The following MAPKBP1 variants were observed in gnomAD, a reference collection of about 807,000 sequenced individuals.
MAPKBP1 encodes the protein mitogen-activated protein kinase binding protein 1, also known as mitogen-activated protein kinase-binding protein 1.
MAPKBP1 carries 71 observed loss-of-function variants against 170.5 expected under a neutral mutation model. That is an observed-to-expected ratio of 0.42 (90% CI 0.34 to 0.51). The LOEUF (loss-of-function observed/expected upper bound fraction) is 0.51, where lower values mean the gene tolerates loss of function less well. Among genes scored for constraint, MAPKBP1 ranks in the 20% least tolerant of loss-of-function variants. The probability of loss-of-function intolerance (pLI) is 0.06; values close to 1 mark genes in which losing one functional copy is unlikely to be tolerated. For missense variants in MAPKBP1, 1,598 were observed against 1,933.0 expected (o/e 0.83, Z 3.25); for synonymous variants, 719 against 757.9 (o/e 0.95, Z 0.84).
rs1445164788 is a variant in MAPKBP1, at chr15:41,826,203, AG to A, written c.*768del. 6.5e-6 allele frequency: 1 copy of A among 152,714 alleles called. No homozygotes were observed. The highest frequency in any genetic ancestry group is 2.4e-5 in the African/African-American group (1 of 41,402). 9.5% of individuals were successfully genotyped at this position (152,714 alleles called of 1,614,324 possible). ...CATGAAGCTCTGGCCTCCTTTCCTCAGCCCCTTGTTCTTCCCTGTCCTCCAC... is the reference window on the plus strand; with the variant it reads ...CATGAAGCTCTGGCCTCCTTTCCTCACCCCTTGTTCTTCCCTGTCCTCCAC... On this transcript the variant is annotated 3_prime_UTR_variant, in exon 31 of 31. Coordinates refer to ENST00000457542, the MANE Select transcript of MAPKBP1 (RefSeq NM_014994.3).
At chr15:41,824,694 C>G in intron 30 of MAPKBP1, 125 bp downstream of exon 30, 1 of 985,506 alleles carries the variant, frequency 1.0e-6, no homozygotes, top group Non-Finnish European at 1.5e-6. Context: ...TCAAGAACAT[C>G]TTGGGCAGCA....
intron 2 of MAPKBP1, among the ~76,000 whole-genome samples, chr15:41,782,291 C>T (rs2064204194): frequency 6.8e-6 from 1 of 147,066 alleles, no homozygotes; most frequent in Non-Finnish European, 1.5e-5. Context: ...TGAAATACAA[C>T]AGACATTAAG....
At chr15:41,803,667 A>G (rs767575311) in intron 3 of MAPKBP1, among the ~76,000 whole-genome samples, 1 of 151,926 alleles carries the variant, frequency 6.6e-6, no homozygotes, top group Non-Finnish European at 1.5e-5. Context: ...GTGAACTATG[A>G]TCGTGCCATT....
intron 27 of MAPKBP1, 22 bp downstream of exon 27, chr15:41,822,699 C>G: frequency 1.9e-6 from 3 of 1,613,156 alleles, no homozygotes; most frequent in East Asian, 2.2e-5. Context: ...CCCTACCCCC[C>G]AGCAGCAGCT....
At chr15:41,816,828 C>A (rs1596092034) in intron 13 of MAPKBP1, 82 bp from the exon 14 acceptor site, 2 of 1,541,886 alleles carry the variant, frequency 1.3e-6, no homozygotes, top group East Asian at 4.5e-5. Context: ...ATATGGGGCT[C>A]AGTTCCCTTG....
intron 6 of MAPKBP1, 66 bp from the exon 7 acceptor site, chr15:41,812,450 T>C: frequency 6.3e-7 from 1 of 1,596,234 alleles, no homozygotes; most frequent in Non-Finnish European, 8.6e-7. Flanking sequence ...TCCTCCATTC[T>C]CTGAGTCACT....
At position 41,822,410 on chromosome 15, in the gene MAPKBP1, G is replaced by A. The variant is rs1160063491; in HGVS notation, c.3217G>A (p.Gly1073Arg). 7 of 1,613,922 alleles carry A rather than the reference G, an allele frequency of 4.3e-6. No individual in the cohort carries two copies. The highest frequency in any genetic ancestry group is 5.9e-6 in the Non-Finnish European group (7 of 1,179,976). Reference sequence around the variant, plus strand: ...ACAGCACTTTGAGACTCTGGCCAGTGGAGCTGCTCCAGGTGTGGTCAGAGG... The same window carrying A: ...ACAGCACTTTGAGACTCTGGCCAGTAGAGCTGCTCCAGGTGTGGTCAGAGG... Reference protein sequence around the residue: ...LKQHFETLASGAAPGAPVQVP... With the variant: ...LKQHFETLASRAAPGAPVQVP... Residue 1073 changes from glycine to arginine, a missense_variant, in exon 26 of 31, where the codon GGA (glycine) becomes AGA (arginine). Coordinates refer to ENST00000457542, the MANE Select transcript of MAPKBP1 (RefSeq NM_014994.3).
chr15:41,808,479 CTT>C (rs1351249642), intron 3 of MAPKBP1, among the ~76,000 whole-genome samples: 2 of 138,168 alleles, frequency 1.4e-5, no homozygotes, highest in Non-Finnish European at 1.6e-5. Context: ...TTTTGTCGTA[CTT>C]TTTTTTTTTT....
chr15:41,777,426 G>A (rs1038163664), intron 2 of MAPKBP1, among the ~76,000 whole-genome samples: 3 of 151,994 alleles, frequency 2.0e-5, no homozygotes, highest in African/African-American at 7.3e-5. Flanking sequence ...AGCTCTCCAG[G>A]AAAACAGTGG....
chr15:41,813,324 G>A (rs367900976), intron 8 of MAPKBP1: 13 of 1,528,354 alleles, frequency 8.5e-6, no homozygotes, highest in South Asian at 3.4e-5. Flanking sequence ...TTCCTCTTCC[G>A]CTCAGAACAT....
chr15:41,817,814 A>G lies in MAPKBP1; in HGVS notation c.1904+79A>G, dbSNP rs539631658. The G allele has an allele frequency of 6.3e-7, 1 of 1,590,850 alleles. No individual in the cohort carries two copies. The highest frequency in any genetic ancestry group is 1.1e-5 in the South Asian group (1 of 88,524). On this transcript the variant is annotated intron_variant, in intron 16 of 30. Transcript: ENST00000457542. This position sits in a 1 kb window ranked among gnomAD's most constrained non-coding sequence, Gnocchi z 4.2. ...CAGCTCTGTGCAGCTAAGTTCCCAC[A>G]TCTGTCGTTCTGTACAGGACTTTGT...
chr15:41,809,073 C>CA (rs34394712), intron 3 of MAPKBP1, among the ~76,000 whole-genome samples: 61,546 of 113,692 alleles, frequency 0.54, 16,799 homozygotes, highest in East Asian at 0.82. Context: ...GACCCTGCCT[C>CA]AAAAAAAAAA....
chr15:41,819,800 G>T (rs764596434), intron 22 of MAPKBP1, 150 bp downstream of exon 22: 11 of 815,104 alleles, frequency 1.3e-5, no homozygotes, highest in South Asian at 3.7e-5. Flanking sequence ...TGTCGGGGAA[G>T]TTGAAGCAGC....
At chr15:41,814,324 G>A (rs1024966258) in intron 9 of MAPKBP1, among the ~76,000 whole-genome samples, 3 of 152,166 alleles carry the variant, frequency 2.0e-5, no homozygotes, top group Non-Finnish European at 4.4e-5. Context: ...CTTGTCTAAC[G>A]TTGGTGTTCT....
intron 2 of MAPKBP1, among the ~76,000 whole-genome samples, chr15:41,786,777 A>AAAAATATATATATATAT: frequency 7.1e-4 from 23 of 32,426 alleles, no homozygotes; most frequent in Admixed American, 1.5e-3. Flanking sequence ...AAAAAAAAAA[A>AAAAATATATATATATAT]ATATATATAT....
In MAPKBP1 at chr15:41,817,410, G is replaced by C; in HGVS notation, c.1734G>C (p.Met578Ile). The part of the protein sequence containing the change: ...KFAASDGQVR[M>I]ISCGADKSIY... Reference sequence around the variant, plus strand: ...TAGCCAGTGATGGGCAAGTCCGCATGATCAGCTGTGGAGCAGACAAGAGCA... The same window carrying C: ...TAGCCAGTGATGGGCAAGTCCGCATCATCAGCTGTGGAGCAGACAAGAGCA... Residue 578 changes from methionine to isoleucine, a missense_variant, in exon 15 of 31, where the codon ATG becomes ATC. Met to Ile is a conservative substitution (Grantham distance 10, BLOSUM62 1). This residue lies in a region of MAPKBP1 where 430 missense variants were observed against 617.2 expected (regional missense o/e 0.70). Transcript: ENST00000457542. The surrounding 1 kb of genome is among the most constrained non-coding windows in gnomAD (Gnocchi z 4.2). 1 of 1,592,158 alleles carries C rather than the reference G, an allele frequency of 6.3e-7. No homozygotes were observed. Among genetic ancestry groups the C allele is most frequent in the Non-Finnish European group, 8.6e-7 (1 of 1,165,700 alleles).
At chr15:41,791,786 C>G (rs1381487361) in intron 2 of MAPKBP1, among the ~76,000 whole-genome samples, 2 of 152,152 alleles carry the variant, frequency 1.3e-5, no homozygotes, top group Non-Finnish European at 2.9e-5. Context: ...CTCCTCCTCT[C>G]TTTCTCACTG....
In MAPKBP1 at chr15:41,819,598, C is replaced by G. The variant is rs535630326; in HGVS notation, c.2429C>G (p.Ser810Trp). The G allele has an allele frequency of 5.0e-6, 8 of 1,607,194 alleles. No individual in the cohort carries two copies. The highest frequency in any genetic ancestry group is 3.3e-5 in the South Asian group (3 of 90,892). ...CTGACTGCCTGTTTCTGTCTAGCCT[C>G]GGTCCCCAGCCCAGCTTTGCCCCGA... is the stretch of plus-strand genomic sequence containing the variant. ...LAKSTKKALA[S>W]VPSPALPRSL... The change falls in exon 22 of 31, where the codon TCG (serine) becomes TGG (tryptophan). Residue 810 changes from serine to tryptophan, a missense_variant. By Grantham distance (177) the Ser-to-Trp change is radical. This residue lies in a region of MAPKBP1 where 942 missense variants were observed against 953.2 expected (regional missense o/e 0.99). Coordinates refer to ENST00000457542, the MANE Select transcript of MAPKBP1 (RefSeq NM_014994.3).
At chr15:41,786,971 T>C (rs2064309490) in intron 2 of MAPKBP1, among the ~76,000 whole-genome samples, 1 of 150,890 alleles carries the variant, frequency 6.6e-6, no homozygotes, top group Non-Finnish European at 1.5e-5. Flanking sequence ...GTATCTCCGC[T>C]CAGTACAACC....
Sources: allele counts gnomAD v4.1 joint callset (sites outside exome capture counted in the v4.1 genomes callset), GRCh38; gene constraint gnomAD v4.1.1; regional missense constraint gnomAD v4.1.1; non-coding constraint Gnocchi (gnomAD v3.1); transcripts MANE v1.5; gene names NCBI Gene and HGNC (gene_info 2026-07-23, HGNC 2026-07-21).